The following SDK1 variants were observed in gnomAD, a reference collection of about 807,000 sequenced individuals.
SDK1 encodes the protein sidekick cell adhesion molecule 1.
SDK1 carries 157 observed loss-of-function variants against 245.5 expected under a neutral mutation model. The ratio of observed to expected loss-of-function variants is 0.64; its 90% confidence interval spans 0.56 to 0.73. The LOEUF (loss-of-function observed/expected upper bound fraction) is 0.73, where lower values mean the gene tolerates loss of function less well. Among genes scored for constraint, SDK1 ranks in the 30% least tolerant of loss-of-function variants. The pLI is 0.00. For synonymous variants in SDK1, 1,647 were observed against 1,278.5 expected (o/e 1.29, Z -6.15); for missense variants, 3,583 against 3,002.3 (o/e 1.19, Z -4.52).
intron 5 of SDK1, among the ~76,000 whole-genome samples, chr7:3,933,267 C>T (rs901597078): frequency 3.3e-5 from 5 of 151,694 alleles, no homozygotes; most frequent in Non-Finnish European, 7.4e-5. Flanking sequence ...TGCACCACCA[C>T]TCCCAGCTAA....
intron 4 of SDK1, among the ~76,000 whole-genome samples, chr7:3,771,257 C>T (rs1228837320): frequency 6.6e-6 from 1 of 152,012 alleles, no homozygotes; most frequent in East Asian, 1.9e-4. Flanking sequence ...TGTGGAAGTG[C>T]ACAAGCCCTC....
chr7:3,691,752 A>G (rs1207922875), intron 4 of SDK1, among the ~76,000 whole-genome samples: 2 of 152,192 alleles, frequency 1.3e-5, no homozygotes, highest in Non-Finnish European at 2.9e-5. Context: ...GAGATTTAAA[A>G]AATAGGGGGC....
At chr7:4,206,765 T>A (rs1472951256) in intron 36 of SDK1, among the ~76,000 whole-genome samples, 2 of 152,120 alleles carry the variant, frequency 1.3e-5, no homozygotes, top group African/African-American at 4.8e-5. Context: ...TTCTCCTAAA[T>A]AAATTCCCCT....
chr7:3,437,729 A>G (rs1780071047), intron 1 of SDK1, among the ~76,000 whole-genome samples: 1 of 152,296 alleles, frequency 6.6e-6, no homozygotes, highest in East Asian at 1.9e-4. Context: ...AGCCTGGGTG[A>G]CAGAGTCGGA....
rs143170106 is a variant in SDK1 at position 3,962,459 on chromosome 7, C to G, written c.1235-198C>G. 1.1e-4 allele frequency among the ~76,000 whole-genome samples: 17 copies of G among 152,344 alleles called. No homozygotes were observed. In the East Asian group the frequency reaches 3.3e-3, roughly 29 times the overall value. On this transcript the variant is annotated intron_variant, in intron 8 of 44. Transcript: ENST00000404826. ...CCAGGGCGGCCACAGTTCATGCCAG[C>G]TGTTCCTCTCAACACCCCTCCGTGT... is the stretch of plus-strand genomic sequence containing the variant.
intron 4 of SDK1, among the ~76,000 whole-genome samples, chr7:3,720,621 A>C (rs970191575): frequency 3.3e-5 from 5 of 152,194 alleles, no homozygotes; most frequent in Non-Finnish European, 7.3e-5. Flanking sequence ...TCACTCATAT[A>C]TTGTTAGTGG....
At chr7:3,770,859 C>T (rs576021953) in intron 4 of SDK1, among the ~76,000 whole-genome samples, 2 of 152,154 alleles carry the variant, frequency 1.3e-5, no homozygotes, top group South Asian at 2.1e-4. Flanking sequence ...TTAGGAGTTA[C>T]GAGGCCTGGC....
intron 4 of SDK1, among the ~76,000 whole-genome samples, chr7:3,730,183 C>T (rs1562401873): frequency 1.3e-5 from 2 of 152,172 alleles, no homozygotes; most frequent in Non-Finnish European, 2.9e-5. Context: ...AGAACACTCA[C>T]ATCTGTAGCT....
intron 13 of SDK1, among the ~76,000 whole-genome samples, chr7:3,974,998 C>T (rs749955818): frequency 1.2e-4 from 18 of 152,172 alleles, no homozygotes; most frequent in Non-Finnish European, 2.2e-4. Context: ...GCTGCCCCTC[C>T]GTGGGTAAAT....
chr7:4,246,367 G>A (rs1420915703), intron 44 of SDK1, among the ~76,000 whole-genome samples: 1 of 152,136 alleles, frequency 6.6e-6, no homozygotes, highest in Non-Finnish European at 1.5e-5. Flanking sequence ...GCTCAGGGAA[G>A]ATCAGTAACT....
chr7:3,458,809 T>C (rs1780748496), intron 1 of SDK1, among the ~76,000 whole-genome samples: 2 of 152,186 alleles, frequency 1.3e-5, no homozygotes, highest in African/African-American at 4.8e-5. Context: ...GAAATACAGA[T>C]TACGTTTCAT....
Position 3,570,566 on chromosome 7 carries a change from C to CAAG in SDK1, c.299-48513_299-48512insAGA, listed in dbSNP as rs1562570341. 2.8e-4 allele frequency among the ~76,000 whole-genome samples: 42 copies of CAAG among 152,318 alleles called. No individual in the cohort carries two copies. The South Asian group carries it at 8.5e-3, about 31-fold the overall frequency. On this transcript the variant is annotated intron_variant, in intron 1 of 44. Coordinates refer to ENST00000404826, the MANE Select transcript of SDK1 (RefSeq NM_152744.4). ...GGATGAGGAGGTTTCCCATTTACTC[C>CAAG]ATTACTCTTTCAAGAAAGTCTCCAA...
At chr7:3,614,334 G>A (rs920851078) in intron 1 of SDK1, among the ~76,000 whole-genome samples, 1 of 152,096 alleles carries the variant, frequency 6.6e-6, no homozygotes, top group Admixed American at 6.6e-5. Context: ...AATGTTCGTT[G>A]TTAGAATACA....
At chr7:3,962,061 A>C (rs570343217) in intron 8 of SDK1, among the ~76,000 whole-genome samples, 5 of 152,290 alleles carry the variant, frequency 3.3e-5, no homozygotes, top group Admixed American at 2.0e-4. Flanking sequence ...ACGTGCACAC[A>C]CTCGCATGAA....
intron 5 of SDK1, among the ~76,000 whole-genome samples, chr7:3,881,376 G>T (rs1453730876): frequency 1.3e-5 from 2 of 152,084 alleles, no homozygotes; most frequent in African/African-American, 4.8e-5. Context: ...TTCCTGCGTT[G>T]GTTTTCTGAA....
At chr7:3,841,391 G>T (rs922249848) in intron 5 of SDK1, among the ~76,000 whole-genome samples, 7 of 152,154 alleles carry the variant, frequency 4.6e-5, no homozygotes, top group Non-Finnish European at 8.8e-5. Context: ...TTGCAGCTCA[G>T]GGCCCAGGAG....
intron 4 of SDK1, among the ~76,000 whole-genome samples, chr7:3,658,973 C>T (rs1159560529): frequency 6.6e-6 from 1 of 152,084 alleles, no homozygotes; most frequent in Non-Finnish European, 1.5e-5. Context: ...CCCTGTACCC[C>T]TTGGCAGTCA....
chr7:3,440,788 C>G (rs777087985), intron 1 of SDK1, among the ~76,000 whole-genome samples: 4 of 152,106 alleles, frequency 2.6e-5, no homozygotes, highest in African/African-American at 9.7e-5. Context: ...TGCTGTTGCA[C>G]CTCAAACTGC....
At chr7:3,642,172 A>ACTGT in intron 4 of SDK1, 67 bp downstream of exon 4, 1 of 1,477,160 alleles carries the variant, frequency 6.8e-7, no homozygotes, top group Non-Finnish European at 9.4e-7. Context: ...CCATCTACAC[A>ACTGT]GTAAGTGTAC....
Sources: allele counts gnomAD v4.1 joint callset (sites outside exome capture counted in the v4.1 genomes callset), GRCh38; gene constraint gnomAD v4.1.1; transcripts MANE v1.5; gene names NCBI Gene and HGNC (gene_info 2026-07-23, HGNC 2026-07-21).